CDH4: variants seen among roughly 807,000 people sequenced by gnomAD.
CDH4 encodes the protein cadherin-4.
Under a neutral mutation model 86.0 loss-of-function variants are expected in CDH4, and 33 were observed. The ratio of observed to expected loss-of-function variants is 0.38; its 90% confidence interval spans 0.29 to 0.51. The LOEUF (loss-of-function observed/expected upper bound fraction) is 0.51, where lower values mean the gene tolerates loss of function less well. Ranked by LOEUF, CDH4 falls within the 20% of genes least tolerant of loss-of-function variation. The pLI, the probability that CDH4 is intolerant of heterozygous loss-of-function variation, is 0.86. For missense variants in CDH4, 1,114 were observed against 1,307.4 expected (o/e 0.85, Z 2.28); for synonymous variants, 555 against 549.4 (o/e 1.01, Z -0.14).
intron 2 of CDH4, among the ~76,000 whole-genome samples, chr20:61,394,084 C>T (rs146126147): frequency 6.6e-6 from 1 of 152,254 alleles, no homozygotes; most frequent in African/African-American, 2.4e-5. Context: ...AATGTGAGAG[C>T]AGGAAGGAGG....
chr20:61,791,394 C>G (rs148321612), intron 4 of CDH4, among the ~76,000 whole-genome samples: 257 of 152,298 alleles, frequency 1.7e-3, no homozygotes, highest in Middle Eastern at 6.8e-3. Context: ...GTGTGTTCAC[C>G]CAGATTTCTC....
At chr20:61,383,548 TATATATGATATATG>T (rs1236683883) in intron 2 of CDH4, among the ~76,000 whole-genome samples, 1 of 86,034 alleles carries the variant, frequency 1.2e-5, no homozygotes, top group East Asian at 2.4e-4. Flanking sequence ...TATATATGAA[TATATATGATATATG>T]ATATATGATA....
At chr20:61,615,474 ACTGAAG>A (rs1433450423) in intron 2 of CDH4, among the ~76,000 whole-genome samples, 1 of 152,174 alleles carries the variant, frequency 6.6e-6, no homozygotes, top group East Asian at 1.9e-4. Context: ...ATAGATAATC[ACTGAAG>A]CATCAGAGTG....
At chr20:61,713,929 A>G (rs1275879333) in intron 2 of CDH4, among the ~76,000 whole-genome samples, 1 of 152,166 alleles carries the variant, frequency 6.6e-6, no homozygotes, top group Non-Finnish European at 1.5e-5. Flanking sequence ...GGCTGATCAG[A>G]TGTGTGTTCA....
At chr20:61,526,449 T>C (rs1307567351) in intron 2 of CDH4, among the ~76,000 whole-genome samples, 1 of 152,074 alleles carries the variant, frequency 6.6e-6, no homozygotes, top group Non-Finnish European at 1.5e-5. Context: ...CATGTTTATA[T>C]AAGTCTAAAA....
In CDH4 at chr20:61,706,689, C is replaced by T. The variant is rs199605199; in HGVS notation, c.170-36874C>T. On this transcript the variant is annotated intron_variant, in intron 2 of 15. Coordinates refer to ENST00000614565, the MANE Select transcript of CDH4 (RefSeq NM_001794.5). ...ACAGTGGCACCGACTCCCTGATCCC[C>T]GATGTGTAGAAACCACCTTGGCTGA... Among the ~76,000 whole-genome samples, 11 of 152,206 alleles carry T rather than the reference C, an allele frequency of 7.2e-5. No individual in the cohort carries two copies. The East Asian group carries it at 9.7e-4, about 13-fold the overall frequency.
Position 61,852,739 on chromosome 20 carries a change from C to G in CDH4, c.733-15C>G. On this transcript the variant is annotated splice_polypyrimidine_tract_variant and intron_variant, in intron 5 of 15. Transcript: ENST00000614565. The stretch of plus-strand genomic sequence containing the variant: ...GCCCACCCGCCACTGGGCCCTGTCT[C>G]TGCTGCTTTTCCAGCTCCGAGCCCA... 1 of 1,607,100 alleles carries G rather than the reference C, an allele frequency of 6.2e-7. No homozygotes were observed. The highest frequency in any genetic ancestry group is 8.5e-7 in the Non-Finnish European group (1 of 1,175,954).
intron 2 of CDH4, among the ~76,000 whole-genome samples, chr20:61,279,010 C>G (rs2084244569): frequency 6.6e-6 from 1 of 152,250 alleles, no homozygotes; most frequent in Non-Finnish European, 1.5e-5. Flanking sequence ...GACCAGCGTG[C>G]TGAGAGTGGA....
intron 10 of CDH4, 89 bp downstream of exon 10, chr20:61,923,793 C>G (rs1377300361): frequency 1.3e-6 from 2 of 1,492,440 alleles, no homozygotes; most frequent in East Asian, 4.7e-5. Context: ...AACCCACAGC[C>G]CAGAATTCCC....
At chr20:61,641,004 G>T (rs6089449) in intron 2 of CDH4, among the ~76,000 whole-genome samples, 94,231 of 151,488 alleles carry the variant, frequency 0.62, 29,739 homozygotes, top group African/African-American at 0.73. Context: ...GGCTACGTTT[G>T]CTGCACGTGG....
At chr20:61,427,847 C>T (rs1369331575) in intron 2 of CDH4, among the ~76,000 whole-genome samples, 6 of 151,904 alleles carry the variant, frequency 3.9e-5, no homozygotes, top group African/African-American at 1.4e-4. Context: ...TGGCTGGTAT[C>T]CAACCAAGTC....
At chr20:61,541,360 GGTCGGCACCCTCT>G (rs1406867277) in intron 2 of CDH4, among the ~76,000 whole-genome samples, 4 of 152,322 alleles carry the variant, frequency 2.6e-5, no homozygotes, top group Admixed American at 1.3e-4. Flanking sequence ...TTAGCCTGGT[GGTCGGCACCCTCT>G]GCTGATGTTT....
At chr20:61,904,976 C>T (rs1233505689) in intron 8 of CDH4, among the ~76,000 whole-genome samples, 1 of 152,236 alleles carries the variant, frequency 6.6e-6, no homozygotes, top group Non-Finnish European at 1.5e-5. Context: ...GGTGACCTTC[C>T]CCTGAGAAGC....
At chr20:61,578,407 C>T (rs1299889737) in intron 2 of CDH4, among the ~76,000 whole-genome samples, 1 of 152,216 alleles carries the variant, frequency 6.6e-6, no homozygotes. Flanking sequence ...TAGCTGTTGA[C>T]TTTCTCTACA....
At chr20:61,868,301 A>T (rs1207195243) in intron 6 of CDH4, among the ~76,000 whole-genome samples, 1 of 152,032 alleles carries the variant, frequency 6.6e-6, no homozygotes, top group Non-Finnish European at 1.5e-5. Context: ...GATGGGAGGG[A>T]ATTCAGTCCA....
chr20:61,464,508 C>T (rs1040648876), intron 2 of CDH4, among the ~76,000 whole-genome samples: 3 of 152,220 alleles, frequency 2.0e-5, no homozygotes, highest in African/African-American at 7.2e-5. Flanking sequence ...GCCCTGCCTG[C>T]TGATGGGATG....
At chr20:61,259,440 G>A (rs6101283) in intron 2 of CDH4, among the ~76,000 whole-genome samples, 17,289 of 152,142 alleles carry the variant, frequency 0.11, 1,075 homozygotes, top group African/African-American at 0.15. Flanking sequence ...CTGCATAGCC[G>A]ATGTCCAGCA....
intron 11 of CDH4, among the ~76,000 whole-genome samples, chr20:61,924,762 C>G (rs537647009): frequency 1.3e-5 from 2 of 152,314 alleles, no homozygotes; most frequent in African/African-American, 2.4e-5. Context: ...GTCTTTCCCC[C>G]CAACGTCACT....
intron 2 of CDH4, among the ~76,000 whole-genome samples, chr20:61,468,159 T>C (rs1247041529): frequency 2.6e-5 from 4 of 152,158 alleles, no homozygotes; most frequent in Admixed American, 2.6e-4. Flanking sequence ...CTGACCCAAG[T>C]CTCAAATCTC....
Sources: gnomAD v4.1 joint callset for allele counts (sites outside exome capture counted in the v4.1 genomes callset) on GRCh38, gnomAD v4.1.1 for gene constraint, MANE v1.5 for transcripts, NCBI Gene and HGNC (gene_info 2026-07-23, HGNC 2026-07-21) for gene names.